PHC1: variants seen among roughly 807,000 people sequenced by gnomAD.
PHC1 encodes the protein polyhomeotic-like protein 1.
Under a neutral mutation model 104.3 loss-of-function variants are expected in PHC1, and 12 were observed. That is an observed-to-expected ratio of 0.12 (90% CI 0.07 to 0.19). The LOEUF is 0.19. Among genes scored for constraint, PHC1 ranks in the 10% least tolerant of loss-of-function variants. The probability of loss-of-function intolerance (pLI) is 1.00; values close to 1 mark genes in which losing one functional copy is unlikely to be tolerated. For missense variants in PHC1, 671 were observed against 1,200.0 expected (o/e 0.56, Z 6.51); for synonymous variants, 302 against 455.8 (o/e 0.66, Z 4.30).
At chr12:8,925,555 G>C (rs1192404648) in intron 6 of PHC1, among the ~76,000 whole-genome samples, 2 of 152,210 alleles carry the variant, frequency 1.3e-5, no homozygotes, top group Non-Finnish European at 2.9e-5. Context: ...AGCCAGATAA[G>C]AATGTGGAAG....
At chr12:8,916,727 C>G (rs1486156761) in intron 1 of PHC1, among the ~76,000 whole-genome samples, 1 of 152,060 alleles carries the variant, frequency 6.6e-6, no homozygotes, top group Non-Finnish European at 1.5e-5. Flanking sequence ...GTGTGTATTT[C>G]TATGTTTCAT....
At chr12:8,926,237 A>G (rs1945506867) in intron 6 of PHC1, among the ~76,000 whole-genome samples, 2 of 152,160 alleles carry the variant, frequency 1.3e-5, no homozygotes, top group South Asian at 4.1e-4. Context: ...TCTGGGTTGG[A>G]GATAAACATT....
intron 5 of PHC1, 53 bp downstream of exon 5, chr12:8,921,803 G>T: frequency 6.7e-7 from 1 of 1,499,994 alleles, no homozygotes; most frequent in Non-Finnish European, 8.9e-7. Flanking sequence ...GTCTGGCCCT[G>T]GCAAAGACTT....
At chr12:8,918,495 T>G (rs76944941) in intron 2 of PHC1, among the ~76,000 whole-genome samples, 1 of 152,252 alleles carries the variant, frequency 6.6e-6, no homozygotes, top group East Asian at 1.9e-4. Context: ...CTTTTTTTTT[T>G]GAGACAAGGT....
At chr12:8,927,913 CTTT>C (rs752930257) in intron 6 of PHC1, among the ~76,000 whole-genome samples, 6 of 35,768 alleles carry the variant, frequency 1.7e-4, no homozygotes, top group East Asian at 6.3e-4. Flanking sequence ...TTCTTTCTTT[CTTT>C]TTTTTTTTTT....
intron 14 of PHC1, among the ~76,000 whole-genome samples, chr12:8,939,064 G>C (rs981394141): frequency 1.3e-5 from 2 of 152,186 alleles, no homozygotes; most frequent in African/African-American, 2.4e-5. Context: ...GAGCTCAAGT[G>C]ATCTGCCTGC....
chr12:8,933,261 G>C lies in PHC1; in HGVS notation c.1804G>C (p.Ala602Pro). ...GMTLAPVQGT[A>P]HVVKGGATTS... is the part of the protein sequence containing the mutation. Reference sequence around the variant, plus strand: ...GACCCTTGCTCCTGTGCAGGGGACAGCACATGTGGTAAAGGGTGGGGCTAC... The same window carrying C: ...GACCCTTGCTCCTGTGCAGGGGACACCACATGTGGTAAAGGGTGGGGCTAC... Residue 602 changes from alanine to proline, a missense_variant, in exon 8 of 15, where the codon GCA becomes CCA. Transcript: ENST00000544916. 6.7e-7 allele frequency: 1 copy of C among 1,489,460 alleles called. No individual in the cohort carries two copies. Among genetic ancestry groups the C allele is most frequent in the South Asian group, 1.3e-5 (1 of 75,792 alleles). The allele number at this position is 1,489,460 out of a possible 1,614,324, so 92.3% of individuals were successfully genotyped here. A position where few individuals can be genotyped will look rare whatever the true frequency, so the allele number is the denominator to read the frequency against.
intron 6 of PHC1, among the ~76,000 whole-genome samples, chr12:8,926,136 T>C (rs1945505260): frequency 6.6e-6 from 1 of 152,194 alleles, no homozygotes; most frequent in Admixed American, 6.5e-5. Flanking sequence ...GTTTTGGACA[T>C]GCAGACCTAA....
intron 6 of PHC1, among the ~76,000 whole-genome samples, chr12:8,927,082 C>T (rs922706697): frequency 2.0e-5 from 3 of 152,154 alleles, no homozygotes; most frequent in Non-Finnish European, 4.4e-5. Context: ...AAAATCTGGA[C>T]TGTAGTGTCA....
upstream of PHC1, chr12:8,914,458 G>GT (rs1278236624): frequency 6.6e-5 from 6 of 91,584 alleles, no homozygotes; most frequent in Admixed American, 4.3e-4. Context: ...GAGGGACGGC[G>GT]GGGGGGGGGT....
chr12:8,934,091 G>A, intron 9 of PHC1, 79 bp downstream of exon 9: 1 of 1,511,758 alleles, frequency 6.6e-7, no homozygotes, highest in Non-Finnish European at 9.1e-7. Flanking sequence ...GATAAAACTG[G>A]TTGAGTAGAA....
chr12:8,919,800 C>A lies in PHC1; in HGVS notation c.159C>A (p.Phe53Leu). Residue 53 changes from phenylalanine (F) to leucine (L), a missense_variant, in exon 3 of 15, where the codon TTC becomes TTA. Physicochemically the swap from Phe to Leu is conservative, Grantham distance 22. Coordinates refer to ENST00000544916, the MANE Select transcript of PHC1 (RefSeq NM_004426.3). The surrounding 1 kb of genome is among the most constrained non-coding windows in gnomAD (Gnocchi z 4.9). ...GGCAGCCCAATGCAGCTCAGTATTTCCACCAGTTCATGCTCCAGCAGCAGC... is the reference window on the plus strand; with the variant it reads ...GGCAGCCCAATGCAGCTCAGTATTTACACCAGTTCATGCTCCAGCAGCAGC... The part of the protein sequence containing the change: ...LQRQPNAAQY[F>L]HQFMLQQQLS... The A allele has an allele frequency of 6.2e-7, 1 of 1,612,666 alleles. No homozygotes were observed. The highest frequency in any genetic ancestry group is 8.5e-7 in the Non-Finnish European group (1 of 1,179,604).
intron 13 of PHC1, 98 bp from the exon 14 acceptor site, chr12:8,937,731 A>C (rs911119675): frequency 9.8e-6 from 8 of 819,880 alleles, no homozygotes; most frequent in Non-Finnish European, 1.6e-5. Context: ...TGATAAGATG[A>C]GTTTTTCTTC....
chr12:8,927,140 CGCATGCGT>C (rs1417210108), intron 6 of PHC1, among the ~76,000 whole-genome samples: 3 of 152,144 alleles, frequency 2.0e-5, no homozygotes, highest in East Asian at 1.9e-4. Context: ...TGTGCATGCG[CGCATGCGT>C]GGGCAGGGGG....
At chr12:8,918,779 A>G (rs1945274525) in intron 2 of PHC1, among the ~76,000 whole-genome samples, 1 of 152,230 alleles carries the variant, frequency 6.6e-6, no homozygotes, top group African/African-American at 2.4e-5. Context: ...TCCTATGGAG[A>G]ATAAACCATA....
intron 6 of PHC1, among the ~76,000 whole-genome samples, chr12:8,925,923 CAGACGATGTTCATACTGGGGGTAGCA>C (rs1945499962): frequency 6.6e-6 from 1 of 152,120 alleles, no homozygotes; most frequent in African/African-American, 2.4e-5. Context: ...GTTTAAGGGA[CAGACGATGTTCATACTGGGGGTAGCA>C]ATGGAGATGG....
chr12:8,921,944 G>T (rs1945379011), intron 5 of PHC1, among the ~76,000 whole-genome samples, 194 bp downstream of exon 5: 1 of 152,208 alleles, frequency 6.6e-6, no homozygotes, highest in Admixed American at 6.5e-5. Flanking sequence ...CTCCCAGGTA[G>T]CTGGGATTAC....
intron 6 of PHC1, 59 bp downstream of exon 6, chr12:8,922,847 C>T (rs780710662): frequency 4.8e-5 from 71 of 1,487,230 alleles, no homozygotes; most frequent in African/African-American, 4.3e-4. Context: ...GGAATGACCA[C>T]GGACCTGGGT....
intron 2 of PHC1, among the ~76,000 whole-genome samples, chr12:8,918,705 T>C (rs1208053319): frequency 2.6e-5 from 4 of 152,238 alleles, no homozygotes; most frequent in African/African-American, 9.6e-5. Flanking sequence ...CTATGGCATG[T>C]ATTTCCAGCT....
Sources: allele counts gnomAD v4.1 joint callset (sites outside exome capture counted in the v4.1 genomes callset), GRCh38; gene constraint gnomAD v4.1.1; non-coding constraint Gnocchi (gnomAD v3.1); transcripts MANE v1.5; gene names NCBI Gene and HGNC (gene_info 2026-07-23, HGNC 2026-07-21).